The following ARHGAP15 variants were observed in gnomAD, a reference collection of about 807,000 sequenced individuals.
ARHGAP15 encodes Rho GTPase activating protein 15, also known as rho GTPase-activating protein 15.
In ARHGAP15, 51 loss-of-function variants were observed where a neutral mutation model predicts 63.7. The ratio of observed to expected loss-of-function variants is 0.80; its 90% confidence interval spans 0.64 to 1.01. The LOEUF is 1.01. Ranked by LOEUF, ARHGAP15 falls within the 50% of genes least tolerant of loss-of-function variation. The probability of loss-of-function intolerance (pLI) is 0.00; values close to 1 mark genes in which losing one functional copy is unlikely to be tolerated. For synonymous variants in ARHGAP15, 191 were observed against 193.8 expected, an observed-to-expected ratio of 0.99 and a Z score of 0.12; for missense variants, 560 against 564.6, an observed-to-expected ratio of 0.99 and a Z score of 0.08.
At chr2:143,204,977 T>C (rs186726540) in intron 3 of ARHGAP15, among the ~76,000 whole-genome samples, 1 of 151,610 alleles carries the variant, frequency 6.6e-6, no homozygotes, top group African/African-American at 2.4e-5. Flanking sequence ...ACAAAACCCA[T>C]AGTGGCCAGG....
intron 6 of ARHGAP15, among the ~76,000 whole-genome samples, chr2:143,368,091 G>A (rs1686374777): frequency 6.6e-6 from 1 of 152,008 alleles, no homozygotes; most frequent in African/African-American, 2.4e-5. Flanking sequence ...ACTTTTCTAT[G>A]CCTTCATGCA....
chr2:143,508,226 C>G (rs1040752342), intron 9 of ARHGAP15, among the ~76,000 whole-genome samples: 12 of 152,300 alleles, frequency 7.9e-5, no homozygotes, highest in Admixed American at 2.6e-4. Context: ...TCTAAGGAAC[C>G]TGGCTTACAC....
At chr2:143,614,361 T>C (rs1002615189) in intron 11 of ARHGAP15, among the ~76,000 whole-genome samples, 7 of 152,234 alleles carry the variant, frequency 4.6e-5, no homozygotes, top group African/African-American at 1.4e-4. Context: ...TAGATCTTTA[T>C]TTATCTTATT....
intron 6 of ARHGAP15, among the ~76,000 whole-genome samples, chr2:143,364,497 G>A (rs1292633768): frequency 2.0e-5 from 3 of 152,074 alleles, no homozygotes; most frequent in Non-Finnish European, 4.4e-5. Context: ...ACCTGAGCAT[G>A]ATACTTATAA....
At chr2:143,134,601 G>T (rs1262288235) in intron 1 of ARHGAP15, among the ~76,000 whole-genome samples, 2 of 151,452 alleles carry the variant, frequency 1.3e-5, no homozygotes, top group Non-Finnish European at 2.9e-5. Context: ...AAGAACTAGA[G>T]ATAGCATATA....
chr2:143,239,227 T>C lies in ARHGAP15; in HGVS notation c.384+10559T>C, dbSNP rs79720814. On this transcript the variant is annotated intron_variant, in intron 5 of 13. Coordinates refer to ENST00000295095, the MANE Select transcript of ARHGAP15 (RefSeq NM_018460.4). The stretch of plus-strand genomic sequence containing the variant: ...TGTATTTTTAAAAAGTACAGTGTGA[T>C]CTTTTGATGCATGTATACATTGTGG... 7.6e-3 allele frequency among the ~76,000 whole-genome samples: 1,150 copies of C among 152,300 alleles called. 8 individuals are homozygous for C. The highest frequency in any genetic ancestry group is 8.9e-3 in the Non-Finnish European group (604 of 68,012).
chr2:143,395,975 T>A (rs1470848100), intron 6 of ARHGAP15, among the ~76,000 whole-genome samples: 1 of 152,048 alleles, frequency 6.6e-6, no homozygotes, highest in Non-Finnish European at 1.5e-5. Context: ...ATGAAGATGA[T>A]GCTAGTCAAA....
chr2:143,229,362 C>A (rs1693350235), intron 5 of ARHGAP15, among the ~76,000 whole-genome samples: 1 of 152,124 alleles, frequency 6.6e-6, no homozygotes, highest in African/African-American at 2.4e-5. Context: ...TTTCTGTATC[C>A]TGTAGTTATT....
chr2:143,539,786 T>A (rs1212532586), intron 10 of ARHGAP15, among the ~76,000 whole-genome samples: 4 of 152,010 alleles, frequency 2.6e-5, no homozygotes, highest in South Asian at 2.1e-4. Context: ...TGCTGAGGAG[T>A]GCTTTACTTC....
intron 6 of ARHGAP15, among the ~76,000 whole-genome samples, chr2:143,319,361 A>G (rs142577474): frequency 1.3e-5 from 2 of 151,844 alleles, no homozygotes; most frequent in African/African-American, 4.8e-5. Flanking sequence ...AGTAGCTGGG[A>G]TTACAGGCGC....
intron 6 of ARHGAP15, among the ~76,000 whole-genome samples, chr2:143,320,996 AACAGCCTCC>A (rs951661382): frequency 8.5e-5 from 13 of 152,116 alleles, no homozygotes; most frequent in Non-Finnish European, 1.6e-4. Flanking sequence ...CCCGGGGCCT[AACAGCCTCC>A]ACTTCCTATG....
intron 12 of ARHGAP15, among the ~76,000 whole-genome samples, chr2:143,680,021 T>TAAA (rs55927433): frequency 9.8e-6 from 1 of 101,626 alleles, no homozygotes; most frequent in African/African-American, 4.5e-5. Context: ...AGTAAATGAT[T>TAAA]AAAAAAAAAA....
intron 9 of ARHGAP15, among the ~76,000 whole-genome samples, chr2:143,509,349 A>G (rs1286149431): frequency 2.6e-5 from 4 of 151,200 alleles, no homozygotes; most frequent in Non-Finnish European, 5.9e-5. Flanking sequence ...AAAAAAAATA[A>G]GTAAACAAGG....
chr2:143,153,636 A>G (rs943289793), intron 1 of ARHGAP15, among the ~76,000 whole-genome samples: 11 of 151,954 alleles, frequency 7.2e-5, no homozygotes, highest in Non-Finnish European at 1.6e-4. Context: ...GGTAACAGAC[A>G]TACCCATCAT....
chr2:143,346,567 A>G (rs1268106041), intron 6 of ARHGAP15, among the ~76,000 whole-genome samples: 2 of 152,102 alleles, frequency 1.3e-5, no homozygotes, highest in East Asian at 1.9e-4. Context: ...TCCCTACATT[A>G]TGCTATACTG....
chr2:143,631,214 AGTTGTT>A (rs2105254781), intron 12 of ARHGAP15, among the ~76,000 whole-genome samples: 1 of 152,192 alleles, frequency 6.6e-6, no homozygotes, highest in East Asian at 1.9e-4. Context: ...CAATTTGTTC[AGTTGTT>A]TATGGATATT....
At chr2:143,208,769 C>T (rs1487450099) in intron 3 of ARHGAP15, among the ~76,000 whole-genome samples, 1 of 151,956 alleles carries the variant, frequency 6.6e-6, no homozygotes, top group Non-Finnish European at 1.5e-5. Context: ...TTTCTTTTCC[C>T]CTTAAAGAAA....
intron 6 of ARHGAP15, among the ~76,000 whole-genome samples, chr2:143,417,242 CTAATTGCATTTTG>C (rs1688730512): frequency 6.6e-6 from 1 of 152,038 alleles, no homozygotes; most frequent in Non-Finnish European, 1.5e-5. Flanking sequence ...GTCACATTTT[CTAATTGCATTTTG>C]TAATTTATCT....
chr2:143,325,691 A>G (rs907982863), intron 6 of ARHGAP15, among the ~76,000 whole-genome samples: 2 of 152,062 alleles, frequency 1.3e-5, no homozygotes, highest in African/African-American at 2.4e-5. Context: ...TTATTTGGGG[A>G]CCTTGAGCTG....
Sources: gnomAD v4.1 joint callset for allele counts (sites outside exome capture counted in the v4.1 genomes callset) on GRCh38, gnomAD v4.1.1 for gene constraint, MANE v1.5 for transcripts, NCBI Gene and HGNC (gene_info 2026-07-23, HGNC 2026-07-21) for gene names.